The following DYM variants were observed in gnomAD, a reference collection of about 807,000 sequenced individuals.
DYM encodes dyggve-Melchior-Clausen syndrome protein.
Under a neutral mutation model 93.1 loss-of-function variants are expected in DYM, and 78 were observed. The observed-to-expected ratio is 0.84, with a 90% confidence interval of 0.70 to 1.01. The LOEUF is 1.01. Ranked by LOEUF, DYM falls within the 50% of genes least tolerant of loss-of-function variation. The pLI is 0.00. For missense variants in DYM, 789 were observed against 845.0 expected (o/e 0.93, Z 0.82); for synonymous variants, 321 against 319.7 (o/e 1.00, Z -0.04).
intron 15 of DYM, among the ~76,000 whole-genome samples, chr18:49,121,471 C>G (rs1330543402): frequency 2.6e-5 from 4 of 151,854 alleles, no homozygotes; most frequent in Non-Finnish European, 4.4e-5. Context: ...AAGAATGGGA[C>G]AAAAGAGATA....
intron 5 of DYM, 77 bp from the exon 6 acceptor site, chr18:49,363,310 T>C: frequency 9.9e-7 from 1 of 1,013,998 alleles, no homozygotes; most frequent in Non-Finnish European, 1.6e-6. Context: ...TACATTTTCA[T>C]TCCTAATGAG....
intron 17 of DYM, among the ~76,000 whole-genome samples, chr18:49,046,207 C>T (rs1410897230): frequency 6.7e-6 from 1 of 150,060 alleles, no homozygotes; most frequent in Non-Finnish European, 1.5e-5. Flanking sequence ...CATAGACACA[C>T]ACACCACAGA....
chr18:49,177,844 A>G (rs2089546477), intron 14 of DYM, among the ~76,000 whole-genome samples: 1 of 152,068 alleles, frequency 6.6e-6, no homozygotes, highest in Non-Finnish European at 1.5e-5. Context: ...CAATGGTTTC[A>G]GTGGGTTAAT....
intron 1 of DYM, among the ~76,000 whole-genome samples, chr18:49,457,695 C>A (rs1221418707): frequency 6.6e-6 from 1 of 152,162 alleles, no homozygotes; most frequent in East Asian, 1.9e-4. Flanking sequence ...TGTCCACATA[C>A]TAATCCATGG....
At chr18:49,111,963 T>C (rs2081435645) in intron 16 of DYM, among the ~76,000 whole-genome samples, 1 of 152,212 alleles carries the variant, frequency 6.6e-6, no homozygotes, top group East Asian at 1.9e-4. Flanking sequence ...AGGATACCTC[T>C]AATGGTACTC....
chr18:49,211,870 C>T (rs1308189901), intron 13 of DYM, among the ~76,000 whole-genome samples: 1 of 152,178 alleles, frequency 6.6e-6, no homozygotes, highest in Non-Finnish European at 1.5e-5. Flanking sequence ...AGAGATATTT[C>T]TATTGAGTCT....
At chr18:49,449,805 GA>G (rs985373048) in intron 1 of DYM, among the ~76,000 whole-genome samples, 18 of 152,156 alleles carry the variant, frequency 1.2e-4, no homozygotes, top group Admixed American at 3.3e-4. Flanking sequence ...TCTGTCAAAA[GA>G]AAGGGTACCT....
intron 5 of DYM, 51 bp downstream of exon 5, chr18:49,378,516 C>T (rs184227003): frequency 1.3e-6 from 2 of 1,526,046 alleles, no homozygotes; most frequent in Non-Finnish European, 1.8e-6. Context: ...AAATTTTATC[C>T]TTAAATGTTA....
intron 14 of DYM, among the ~76,000 whole-genome samples, chr18:49,171,661 C>T (rs1221752264): frequency 6.6e-6 from 1 of 152,158 alleles, no homozygotes; most frequent in Non-Finnish European, 1.5e-5. Context: ...GTCATGCTCT[C>T]ATCTGTAGAC....
At chr18:49,326,437 G>C (rs1255423495) in intron 8 of DYM, among the ~76,000 whole-genome samples, 2 of 151,182 alleles carry the variant, frequency 1.3e-5, no homozygotes, top group African/African-American at 4.9e-5. Flanking sequence ...CACTTCCAGT[G>C]ACTGAAGTAA....
At chr18:49,098,741 G>A (rs1363235642) in intron 16 of DYM, among the ~76,000 whole-genome samples, 2 of 152,156 alleles carry the variant, frequency 1.3e-5, no homozygotes, top group African/African-American at 4.8e-5. Context: ...CGGATTTTAA[G>A]TTCTTTTTGA....
At chr18:49,080,229 T>C (rs8086100) in intron 17 of DYM, among the ~76,000 whole-genome samples, 12,918 of 41,988 alleles carry the variant, frequency 0.31, 1,737 homozygotes, top group African/African-American at 0.32. Flanking sequence ...AACCTCCCTC[T>C]CGGACGGGGC....
intron 14 of DYM, chr18:49,206,011 G>GTTTTTTTTTTTTTTTGGGGGTT (rs61590334): frequency 7.4e-6 from 1 of 135,040 alleles, no homozygotes; most frequent in Non-Finnish European, 1.5e-5. Context: ...TTGTTTTTTT[G>GTTTTTTTTTTTTTTTGGGGGTT]TTTTTTGCGG....
intron 6 of DYM, among the ~76,000 whole-genome samples, chr18:49,362,767 C>T (rs2066146850): frequency 6.6e-6 from 1 of 152,084 alleles, no homozygotes; most frequent in Admixed American, 6.5e-5. Flanking sequence ...AACCTGGCTT[C>T]AAAAGAGGCT....
At chr18:49,192,544 T>G (rs2091077199) in intron 14 of DYM, among the ~76,000 whole-genome samples, 1 of 152,222 alleles carries the variant, frequency 6.6e-6, no homozygotes, top group Non-Finnish European at 1.5e-5. Flanking sequence ...TTTCCTACTG[T>G]ATATTCTTGA....
intron 9 of DYM, among the ~76,000 whole-genome samples, chr18:49,285,815 T>C (rs1380214124): frequency 6.6e-6 from 1 of 152,240 alleles, no homozygotes; most frequent in Admixed American, 6.5e-5. Flanking sequence ...TGAAGCCATA[T>C]GCTCACCTTC....
chr18:49,047,245 C>G (rs1406836229), intron 17 of DYM, among the ~76,000 whole-genome samples: 1 of 152,242 alleles, frequency 6.6e-6, no homozygotes, highest in African/African-American at 2.4e-5. Context: ...CTGCAGTCCC[C>G]TTTTCAAAAA....
intron 15 of DYM, among the ~76,000 whole-genome samples, chr18:49,152,399 C>A (rs1053467809): frequency 1.3e-5 from 2 of 152,114 alleles, no homozygotes. Flanking sequence ...CAGGTCCTAG[C>A]CAAGTTAGAA....
At chr18:49,458,938 T>C (rs1361895172) in intron 1 of DYM, among the ~76,000 whole-genome samples, 2 of 152,190 alleles carry the variant, frequency 1.3e-5, no homozygotes, top group Admixed American at 6.5e-5. Flanking sequence ...TTAAAATAAT[T>C]GTGAGTGGGG....
Sources: gnomAD v4.1 joint callset for allele counts (sites outside exome capture counted in the v4.1 genomes callset) on GRCh38, gnomAD v4.1.1 for gene constraint, MANE v1.5 for transcripts, NCBI Gene and HGNC (gene_info 2026-07-23, HGNC 2026-07-21) for gene names.